Variants in CHRDL2 observed in about 807,000 individuals in gnomAD.
The protein encoded by CHRDL2 is chordin-like protein 2.
Under a neutral mutation model 54.3 loss-of-function variants are expected in CHRDL2, and 41 were observed. That is an observed-to-expected ratio of 0.76 (90% CI 0.59 to 0.98). CHRDL2 has a LOEUF of 0.98. Ranked by LOEUF, CHRDL2 falls within the 50% of genes least tolerant of loss-of-function variation. The pLI is 0.00. For synonymous variants in CHRDL2, 220 were observed against 224.3 expected, an observed-to-expected ratio of 0.98 and a Z score of 0.17; for missense variants, 518 against 562.4, an observed-to-expected ratio of 0.92 and a Z score of 0.80.
chr11:74,717,948 T>G (rs966838345), intron 2 of CHRDL2, among the ~76,000 whole-genome samples: 1 of 152,184 alleles, frequency 6.6e-6, no homozygotes, highest in Non-Finnish European at 1.5e-5. Flanking sequence ...CATACCTTAC[T>G]TGTGAATTCT....
In CHRDL2 at chr11:74,731,127, G is replaced by C. The variant is rs1470070594; in HGVS notation, c.-239C>G. 1.3e-5 allele frequency: 7 copies of C among 544,158 alleles called. No homozygotes were observed. The highest frequency in any genetic ancestry group is 2.3e-5 in the Non-Finnish European group (7 of 305,502). The allele number at this position is 544,158 out of a possible 1,614,324, so 33.7% of individuals were successfully genotyped here. ...AACGCGGGGAAAGGAGGGAGAGATG[G>C]AGAGACGAAGGAAGGTCCAGCAGAA... On this transcript the variant is annotated 5_prime_UTR_variant, in exon 1 of 11. Transcript: ENST00000376332. This position sits in a 1 kb window ranked among gnomAD's most constrained non-coding sequence, Gnocchi z 4.4.
At chr11:74,716,763 T>C (rs746252078) in intron 2 of CHRDL2, among the ~76,000 whole-genome samples, 1 of 151,824 alleles carries the variant, frequency 6.6e-6, no homozygotes, top group African/African-American at 2.4e-5. Context: ...TGGAGGGTTT[T>C]AAGAGCAGAA....
chr11:74,720,806 G>A lies in CHRDL2; in HGVS notation c.83-1974C>T, dbSNP rs12290761. Among the ~76,000 whole-genome samples, 1,472 of 152,252 alleles carry A rather than the reference G, an allele frequency of 9.7e-3. 25 individuals are homozygous for A. The highest frequency in any genetic ancestry group is 0.034 in the African/African-American group (1,395 of 41,528). ...GGCGTGCAGCCCCTGCCTGACACAC[G>A]CCTCCAGGAAACAGGAGCTCATGGG... On this transcript the variant is annotated intron_variant, in intron 1 of 10. Transcript: ENST00000376332.
At chr11:74,709,691 G>A (rs1003854352) in intron 4 of CHRDL2, among the ~76,000 whole-genome samples, 2 of 152,202 alleles carry the variant, frequency 1.3e-5, no homozygotes, top group African/African-American at 4.8e-5. Flanking sequence ...TAGGGAGGCA[G>A]GCCCAAAAGA....
intron 5 of CHRDL2, among the ~76,000 whole-genome samples, chr11:74,706,913 G>T (rs999016743): frequency 6.6e-6 from 1 of 152,114 alleles, no homozygotes; most frequent in Admixed American, 6.5e-5. Flanking sequence ...TGGCCCAAAG[G>T]CCCAGAATCC....
intron 5 of CHRDL2, among the ~76,000 whole-genome samples, chr11:74,707,316 CTCCT>C (rs1228377824): frequency 6.6e-6 from 1 of 152,212 alleles, no homozygotes; most frequent in African/African-American, 2.4e-5. Context: ...TAGTCCAGTG[CTCCT>C]TCCAAAATGC....
At chr11:74,726,568 T>G (rs1426473875) in intron 1 of CHRDL2, among the ~76,000 whole-genome samples, 2 of 152,212 alleles carry the variant, frequency 1.3e-5, no homozygotes, top group Non-Finnish European at 2.9e-5. Flanking sequence ...ACCGCTGTCA[T>G]GCCAGTCCTT....
intron 9 of CHRDL2, among the ~76,000 whole-genome samples, chr11:74,702,142 G>A (rs1365652933): frequency 6.6e-6 from 1 of 152,022 alleles, no homozygotes; most frequent in Non-Finnish European, 1.5e-5. Flanking sequence ...TGTGGTCCCA[G>A]CTACTCAGGA....
intron 9 of CHRDL2, chr11:74,697,695 C>T (rs3741122): frequency 0.33 from 148,643 of 445,436 alleles, 27,219 homozygotes; most frequent in East Asian, 0.43. Flanking sequence ...CTGTCACCTG[C>T]ACCATCCTGC....
Position 74,710,873 on chromosome 11 carries a change from G to C in CHRDL2, c.408C>G (p.Asn136Lys). Residue 136 changes from asparagine (N) to lysine (K), a missense_variant, in exon 4 of 11, where the codon AAC becomes AAG. Physicochemically the swap from Asn to Lys is moderately conservative, Grantham distance 94. Coordinates refer to ENST00000376332, the MANE Select transcript of CHRDL2 (RefSeq NM_001278473.3). Reference sequence around the variant, plus strand: ...CTGTGCAGCTGCAGAGGACACACTGGTTGGGCAGGCGGGAGGGGAACAGCT... The same window carrying C: ...CTGTGCAGCTGCAGAGGACACACTGCTTGGGCAGGCGGGAGGGGAACAGCT... Reference protein sequence around the residue: ...AHELFPSRLPNQCVLCSCTEG... With the variant: ...AHELFPSRLPKQCVLCSCTEG... 1 of 1,614,148 alleles carries C rather than the reference G, an allele frequency of 6.2e-7. No individual in the cohort carries two copies. The highest frequency in any genetic ancestry group is 8.5e-7 in the Non-Finnish European group (1 of 1,180,028).
chr11:74,709,755 C>CA (rs1192629080), intron 4 of CHRDL2, among the ~76,000 whole-genome samples: 2 of 152,154 alleles, frequency 1.3e-5, no homozygotes, highest in Non-Finnish European at 2.9e-5. Context: ...AGATCAAACA[C>CA]AGGTTTCTGA....
Position 74,718,753 on chromosome 11 carries a change from G to A in CHRDL2, c.162C>T (p.Gly54=), listed in dbSNP as rs765172373. 8.1e-6 allele frequency: 13 copies of A among 1,613,578 alleles called. No homozygotes were observed. The highest frequency in any genetic ancestry group is 6.7e-5 in the Admixed American group (4 of 59,964). ...AGGTACAGCGCAGGCAGTACATCAG[G>A]CCTTGTGGCTCCAAGTAGGGGTGCC... ...ESWHPYLEPQ[G]LMYCLRCTCS... Residue 54 remains glycine, a synonymous_variant, in exon 2 of 11, where the codon GGC becomes GGT. Coordinates refer to ENST00000376332, the MANE Select transcript of CHRDL2 (RefSeq NM_001278473.3).
At chr11:74,697,830 T>C (rs79690791) in intron 9 of CHRDL2, 3,899 of 305,358 alleles carry the variant, frequency 0.013, 45 homozygotes, top group Non-Finnish European at 0.019. Context: ...GGAAGGAAGG[T>C]TGGCTGGCTC....
chr11:74,700,643 A>ATTATTTTTT (rs1554984229), intron 9 of CHRDL2, among the ~76,000 whole-genome samples: 2 of 136,012 alleles, frequency 1.5e-5, no homozygotes, highest in Non-Finnish European at 3.1e-5. Context: ...TATTATTATT[A>ATTATTTTTT]TTTTTTTTTT....
intron 5 of CHRDL2, among the ~76,000 whole-genome samples, chr11:74,707,520 A>G (rs1336223780): frequency 6.6e-6 from 1 of 152,158 alleles, no homozygotes; most frequent in African/African-American, 2.4e-5. Context: ...TGGGTTCTGT[A>G]TAAAAGACAT....
Position 74,731,313 on chromosome 11 carries a change from G to A in CHRDL2, c.-425C>T, listed in dbSNP as rs2034651249. ...GGCGGCCGGCGCCCCCTGCTCGGTG[G>A]GCTCGGGGTCGGGCCGCGGGGGCCT... On this transcript the variant is annotated 5_prime_UTR_variant, in exon 1 of 11. Transcript: ENST00000376332. This position sits in a 1 kb window ranked among gnomAD's most constrained non-coding sequence, Gnocchi z 4.4. 1 of 148,630 alleles carries A rather than the reference G, an allele frequency of 6.7e-6. No homozygotes were observed. The highest frequency in any genetic ancestry group is 2.0e-4 in the East Asian group (1 of 5,104). The allele number at this position is 148,630 out of a possible 1,614,324, so 9.2% of individuals were successfully genotyped here. A position where few individuals can be genotyped will look rare whatever the true frequency, so the allele number is the denominator to read the frequency against.
intron 9 of CHRDL2, among the ~76,000 whole-genome samples, chr11:74,700,278 A>T (rs1400846559): frequency 6.6e-6 from 1 of 152,242 alleles, no homozygotes; most frequent in African/African-American, 2.4e-5. Flanking sequence ...AGCACAGGGC[A>T]TATGGGCGTG....
At chr11:74,719,680 AT>A (rs2034459192) in intron 1 of CHRDL2, among the ~76,000 whole-genome samples, 1 of 152,206 alleles carries the variant, frequency 6.6e-6, no homozygotes, top group Non-Finnish European at 1.5e-5. Flanking sequence ...TGGCACACCA[AT>A]GGACTTTTTT....
chr11:74,717,117 A>T (rs528218764), intron 2 of CHRDL2, among the ~76,000 whole-genome samples: 3 of 142,424 alleles, frequency 2.1e-5, no homozygotes, highest in Non-Finnish European at 3.1e-5. Context: ...AACAAAAAAA[A>T]AAAACCATTC....
Sources: allele counts gnomAD v4.1 joint callset (sites outside exome capture counted in the v4.1 genomes callset), GRCh38; gene constraint gnomAD v4.1.1; non-coding constraint Gnocchi (gnomAD v3.1); transcripts MANE v1.5; gene names NCBI Gene and HGNC (gene_info 2026-07-23, HGNC 2026-07-21).